Variants in CAMK2D observed in about 807,000 individuals in gnomAD.
CAMK2D encodes calcium/calmodulin-dependent protein kinase type II subunit delta.
CAMK2D carries 37 observed loss-of-function variants against 84.0 expected under a neutral mutation model. The ratio of observed to expected loss-of-function variants is 0.44; its 90% CI spans 0.34 to 0.58. The LOEUF is 0.58. Ranked by LOEUF, CAMK2D falls within the 20% of genes least tolerant of loss-of-function variation. The probability of loss-of-function intolerance (pLI) is 0.02; values close to 1 mark genes in which losing one functional copy is unlikely to be tolerated. For missense variants in CAMK2D, 448 were observed against 652.5 expected (o/e 0.69, Z 3.41); for synonymous variants, 202 against 212.5 (o/e 0.95, Z 0.43).
At chr4:113,593,556 G>A (rs890234530) in intron 4 of CAMK2D, among the ~76,000 whole-genome samples, 3 of 152,188 alleles carry the variant, frequency 2.0e-5, no homozygotes, top group African/African-American at 7.2e-5. Context: ...TCCAAGAGTT[G>A]TATCAGAGCT....
At chr4:113,757,215 C>G (rs1024106326) in intron 2 of CAMK2D, among the ~76,000 whole-genome samples, 1 of 152,098 alleles carries the variant, frequency 6.6e-6, no homozygotes, top group Non-Finnish European at 1.5e-5. Context: ...TAAGTTCTTT[C>G]ATAAAAGTAA....
chr4:113,631,125 TA>T (rs1280215329), intron 3 of CAMK2D, among the ~76,000 whole-genome samples: 1 of 152,198 alleles, frequency 6.6e-6, no homozygotes, highest in African/African-American at 2.4e-5. Flanking sequence ...ATTGGTATTC[TA>T]AAGTCTGTGA....
In CAMK2D at chr4:113,712,383, A is replaced by C. The variant is rs546747990; in HGVS notation, c.160+46937T>G. ...TATTATTTATAGACTTATGCTTTAA[A>C]GCTGATGGGAAATAGTGTTTCCCAA... On this transcript the variant is annotated intron_variant, in intron 2 of 20. Transcript: ENST00000511664. 1.2e-4 allele frequency among the ~76,000 whole-genome samples: 19 copies of C among 152,292 alleles called. No homozygotes were observed. In the South Asian group the frequency reaches 2.3e-3, roughly 18 times the overall value.
At chr4:113,572,285 T>C (rs2154225746) in intron 4 of CAMK2D, among the ~76,000 whole-genome samples, 1 of 152,254 alleles carries the variant, frequency 6.6e-6, no homozygotes, top group African/African-American at 2.4e-5. Context: ...CTGACAAGGA[T>C]TGATTGACCT....
intron 2 of CAMK2D, chr4:113,755,057 T>C (rs1269954564): frequency 2.0e-6 from 2 of 984,618 alleles, no homozygotes; most frequent in African/African-American, 3.5e-5. Flanking sequence ...CAAGTAACCA[T>C]GAAGTTGAGA....
At chr4:113,686,094 C>T (rs1215764875) in intron 2 of CAMK2D, among the ~76,000 whole-genome samples, 1 of 149,924 alleles carries the variant, frequency 6.7e-6, no homozygotes, top group East Asian at 1.9e-4. Context: ...ACTAAATAAA[C>T]GAATAATGAA....
chr4:113,630,189 A>G (rs1399747412), intron 3 of CAMK2D, among the ~76,000 whole-genome samples: 1 of 152,250 alleles, frequency 6.6e-6, no homozygotes, highest in African/African-American at 2.4e-5. Context: ...TTGGGCATGG[A>G]GGACAAAGCA....
At chr4:113,747,405 C>A (rs921778544) in intron 2 of CAMK2D, among the ~76,000 whole-genome samples, 2 of 150,312 alleles carry the variant, frequency 1.3e-5, no homozygotes, top group Non-Finnish European at 3.0e-5. Flanking sequence ...AAGATGATAT[C>A]ATTTGGGAAT....
intron 3 of CAMK2D, among the ~76,000 whole-genome samples, chr4:113,635,145 A>G (rs1230509981): frequency 3.3e-5 from 5 of 152,208 alleles, no homozygotes; most frequent in Admixed American, 1.3e-4. Context: ...TTACAATCTG[A>G]CCTATGAGAA....
Position 113,761,469 on chromosome 4 carries a change from G to C in CAMK2D, c.-401C>G. The stretch of plus-strand genomic sequence containing the variant: ...TTGCGAAACGATCCGCACTGGAGCA[G>C]GAGGAGTAGAAGCAGAGGGGAGGGA... On this transcript the variant is annotated 5_prime_UTR_variant, in exon 1 of 21. Coordinates refer to ENST00000511664, the MANE Select transcript of CAMK2D (RefSeq NM_001321571.2). The C allele has an allele frequency of 8.9e-7, 1 of 1,124,494 alleles. No homozygotes were observed. The highest frequency in any genetic ancestry group is 1.1e-6 in the Non-Finnish European group (1 of 909,874). 69.7% of individuals were successfully genotyped at this position (1,124,494 alleles called of 1,614,324 possible).
chr4:113,664,345 C>G (rs558354268), intron 2 of CAMK2D, among the ~76,000 whole-genome samples: 7 of 152,312 alleles, frequency 4.6e-5, no homozygotes, highest in African/African-American at 1.7e-4. Flanking sequence ...TTCTGTGGGT[C>G]AGGAACCTGG....
At chr4:113,514,470 ATTATCT>A (rs1332802434) in intron 10 of CAMK2D, among the ~76,000 whole-genome samples, 1 of 152,060 alleles carries the variant, frequency 6.6e-6, no homozygotes, top group Non-Finnish European at 1.5e-5. Context: ...AATTTCTCAA[ATTATCT>A]TTATTTTAAT....
intron 3 of CAMK2D, among the ~76,000 whole-genome samples, chr4:113,609,833 T>C (rs549417023): frequency 7.9e-5 from 12 of 152,300 alleles, no homozygotes; most frequent in Admixed American, 3.9e-4. Context: ...TAGCCCAAAA[T>C]GTACAGCTTG....
At chr4:113,477,745 C>A (rs75994551) in intron 16 of CAMK2D, among the ~76,000 whole-genome samples, 633 of 116,956 alleles carry the variant, frequency 5.4e-3, no homozygotes, top group Admixed American at 5.7e-3. Flanking sequence ...GACTCTGTCT[C>A]AAAAAAAAAA....
rs2097278494 is a variant in CAMK2D at position 113,454,232 on chromosome 4, G to A, written c.*313C>T. 1 of 281,884 alleles carries A rather than the reference G, an allele frequency of 3.5e-6. No individual in the cohort carries two copies. Among genetic ancestry groups the A allele is most frequent in the Non-Finnish European group, 6.6e-6 (1 of 151,928 alleles). 17.5% of individuals were successfully genotyped at this position (281,884 alleles called of 1,614,324 possible). ...GGCATTAACAGAGAAACTTGATGAA[G>A]AGTTGTACTTGGAATATTGTGGATT... is the stretch of plus-strand genomic sequence containing the variant. On this transcript the variant is annotated 3_prime_UTR_variant, in exon 21 of 21. Transcript: ENST00000511664.
chr4:113,603,504 G>T (rs913717703), intron 4 of CAMK2D, among the ~76,000 whole-genome samples: 1 of 149,286 alleles, frequency 6.7e-6, no homozygotes, highest in African/African-American at 2.5e-5. Context: ...ACCAAACACC[G>T]CATATTCTCA....
intron 2 of CAMK2D, among the ~76,000 whole-genome samples, chr4:113,748,513 T>C (rs532724021): frequency 6.6e-6 from 1 of 152,032 alleles, no homozygotes; most frequent in Non-Finnish European, 1.5e-5. Flanking sequence ...TACAAAAGAA[T>C]GTCTATAATA....
chr4:113,505,101 G>T, intron 13 of CAMK2D, 66 bp from the exon 14 acceptor site: 3 of 890,956 alleles, frequency 3.4e-6, no homozygotes, highest in Non-Finnish European at 5.2e-6. Context: ...GTCTCTAGAT[G>T]CAGCATGTCT....
chr4:113,728,026 T>C (rs546839558), intron 2 of CAMK2D, among the ~76,000 whole-genome samples: 1 of 152,278 alleles, frequency 6.6e-6, no homozygotes, highest in East Asian at 1.9e-4. Context: ...GCTGGTATGA[T>C]ATACAGCAAT....
Sources: allele counts gnomAD v4.1 joint callset (sites outside exome capture counted in the v4.1 genomes callset), GRCh38; gene constraint gnomAD v4.1.1; transcripts MANE v1.5; gene names NCBI Gene and HGNC (gene_info 2026-07-23, HGNC 2026-07-21).